ELAPOR1: variants seen among roughly 807,000 people sequenced by gnomAD.
ELAPOR1 encodes endosome-lysosome associated apoptosis and autophagy regulator 1.
ELAPOR1 carries 77 observed loss-of-function variants against 119.7 expected under a neutral mutation model. The ratio of observed to expected loss-of-function variants is 0.64; its 90% CI spans 0.54 to 0.78. The LOEUF (loss-of-function observed/expected upper bound fraction) is 0.78. Ranked by LOEUF, ELAPOR1 falls within the 30% of genes least tolerant of loss-of-function variation. The probability of loss-of-function intolerance (pLI) is 0.00; values close to 1 mark genes in which losing one functional copy is unlikely to be tolerated. For missense variants in ELAPOR1, 1,115 were observed against 1,270.4 expected, an observed-to-expected ratio of 0.88 and a Z score of 1.86; for synonymous variants, 481 against 487.2, an observed-to-expected ratio of 0.99 and a Z score of 0.17.
At position 109,199,912 on chromosome 1, in the gene ELAPOR1, G is replaced by C. The variant is rs779594735; in HGVS notation, c.2560G>C (p.Ala854Pro). 14 of 1,613,782 alleles carry C rather than the reference G, an allele frequency of 8.7e-6. No individual in the cohort carries two copies. The African/African-American group carries it at 1.7e-4, about 20-fold the overall frequency. ...CTTCCACTTCCTGTGGGAGAGCGCG[G>C]CTGCTTGCCCGCTCTGCTCAGTGGC... is the stretch of plus-strand genomic sequence containing the variant. Reference protein sequence around the residue: ...CNFHFLWESAAACPLCSVADY... With the variant: ...CNFHFLWESAPACPLCSVADY... The change falls in exon 19 of 22, where the codon GCT becomes CCT. Residue 854 changes from alanine to proline, a missense_variant. Transcript: ENST00000369939.
At chr1:109,161,771 G>A (rs1651276538) in intron 1 of ELAPOR1, 123 bp from the exon 2 acceptor site, 2 of 1,203,856 alleles carry the variant, frequency 1.7e-6, no homozygotes, top group African/African-American at 3.0e-5. Flanking sequence ...CCCTGCCCGG[G>A]GTCCCAGGGC....
At chr1:109,162,116 A>C in intron 2 of ELAPOR1, 102 bp downstream of exon 2, 1 of 1,318,404 alleles carries the variant, frequency 7.6e-7, no homozygotes, top group South Asian at 1.4e-5. Flanking sequence ...GAGCAGCTGC[A>C]TTAAGGAATC....
In ELAPOR1 at chr1:109,173,731, G is replaced by T; in HGVS notation, c.846G>T (p.Thr282=). The T allele has an allele frequency of 6.2e-7, 1 of 1,614,138 alleles. No individual in the cohort carries two copies. The highest frequency in any genetic ancestry group is 8.5e-7 in the Non-Finnish European group (1 of 1,180,034). The part of the protein sequence containing the change: ...TSECFPCKPG[T]YADKQGSSFC... ...AATGCTTCCCCTGCAAACCTGGCAC[G>T]TATGCAGACAAGCAGGGCTCCTCTT... The change falls in exon 7 of 22, where the codon ACG becomes ACT. Residue 282 remains threonine (T), a synonymous_variant. Transcript: ENST00000369939.
chr1:109,149,873 G>C (rs939229506), intron 1 of ELAPOR1, among the ~76,000 whole-genome samples: 4 of 152,198 alleles, frequency 2.6e-5, no homozygotes, highest in African/African-American at 9.7e-5. Context: ...TCAACAGGGA[G>C]CTCGAGGTGG....
At chr1:109,171,535 G>C (rs904980718) in intron 3 of ELAPOR1, among the ~76,000 whole-genome samples, 4 of 151,920 alleles carry the variant, frequency 2.6e-5, no homozygotes, top group Non-Finnish European at 4.4e-5. Flanking sequence ...CTGGGAGACA[G>C]AGCGAGACTC....
chr1:109,144,053 A>ATATTTTTTTTTTTTTT (rs1650004030), intron 1 of ELAPOR1, among the ~76,000 whole-genome samples: 1 of 89,792 alleles, frequency 1.1e-5, no homozygotes, highest in African/African-American at 5.3e-5. Flanking sequence ...ATATATATAT[A>ATATTTTTTTTTTTTTT]TTTATATATT....
intron 1 of ELAPOR1, among the ~76,000 whole-genome samples, chr1:109,127,116 A>G (rs1166529162): frequency 2.6e-5 from 4 of 152,096 alleles, no homozygotes; most frequent in Admixed American, 2.6e-4. Context: ...AAAGAACACA[A>G]CAGATAATTA....
chr1:109,179,444 G>C (rs1343889556), intron 7 of ELAPOR1, among the ~76,000 whole-genome samples: 1 of 150,744 alleles, frequency 6.6e-6, no homozygotes, highest in Admixed American at 6.6e-5. Context: ...TGTGAGCAAA[G>C]GCCAGAAAGC....
At position 109,205,853 on chromosome 1, in the gene ELAPOR1, C is replaced by T. The variant is rs1654457444; in HGVS notation, c.*2841C>T. On this transcript the variant is annotated 3_prime_UTR_variant, in exon 22 of 22. Coordinates refer to ENST00000369939, the MANE Select transcript of ELAPOR1 (RefSeq NM_020775.5). ...TCCTGAGTTACGCTACTGGGGTCAC[C>T]TGTTGCTCCCCTAGCAAGTTAGGCA... 6.6e-6 allele frequency: 1 copy of T among 152,162 alleles called. No homozygotes were observed. The highest frequency in any genetic ancestry group is 2.1e-4 in the South Asian group (1 of 4,828). 9.4% of individuals were successfully genotyped at this position (152,162 alleles called of 1,614,324 possible).
intron 1 of ELAPOR1, among the ~76,000 whole-genome samples, chr1:109,146,716 A>C (rs567524041): frequency 6.6e-6 from 1 of 152,140 alleles, no homozygotes; most frequent in Non-Finnish European, 1.5e-5. Context: ...CATCAAGATG[A>C]ACTTAGATAT....
At chr1:109,177,274 G>C (rs556624581) in intron 7 of ELAPOR1, among the ~76,000 whole-genome samples, 2 of 147,590 alleles carry the variant, frequency 1.4e-5, no homozygotes, top group South Asian at 4.3e-4. Context: ...GCGGCTGCCG[G>C]GCAGAGACGC....
At position 109,171,981 on chromosome 1, in the gene ELAPOR1, T is replaced by C. The variant is rs1370206973; in HGVS notation, c.583T>C (p.Tyr195His). 2 of 1,614,192 alleles carry C rather than the reference T, an allele frequency of 1.2e-6. No homozygotes were observed. Among genetic ancestry groups the C allele is most frequent in the Non-Finnish European group, 1.7e-6 (2 of 1,180,028 alleles). ...TGGCACCGTTAACTTCGAATACTACTATCCAGACTCCAGCATCATCTTTGA... is the reference window on the plus strand; with the variant it reads ...TGGCACCGTTAACTTCGAATACTACCATCCAGACTCCAGCATCATCTTTGA... Reference protein sequence around the residue: ...QSGTVNFEYYYPDSSIIFEFF... With the variant: ...QSGTVNFEYYHPDSSIIFEFF... Residue 195 changes from tyrosine to histidine, a missense_variant, in exon 4 of 22, where the codon TAT becomes CAT. By Grantham distance (83) the Tyr-to-His change is moderately conservative. Transcript: ENST00000369939.
Position 109,194,576 on chromosome 1 carries a change from C to CA in ELAPOR1, c.2104dup (p.Ser702LysfsTer8), listed in dbSNP as rs1653666592. On this transcript the variant is annotated frameshift_variant, in exon 15 of 22. Transcript: ENST00000369939. LOFTEE classifies it high-confidence loss of function. ...TGAAATACTTCCATCACTTTACCCT[C>CA]AGTCTCTGTGGAAACCAGGTAAGGT... The CA allele has an allele frequency of 6.2e-7, 1 of 1,613,810 alleles. No individual in the cohort carries two copies. Among genetic ancestry groups the CA allele is most frequent in the Admixed American group, 1.7e-5 (1 of 60,010 alleles).
intron 3 of ELAPOR1, among the ~76,000 whole-genome samples, chr1:109,166,566 G>A (rs912123822): frequency 1.3e-5 from 2 of 152,210 alleles, no homozygotes; most frequent in Non-Finnish European, 2.9e-5. Context: ...AGAACCTTGT[G>A]AAATAGGCAT....
rs752456350 is a variant in ELAPOR1 at position 109,171,912 on chromosome 1, G to A, written c.514G>A (p.Glu172Lys). Residue 172 changes from glutamate to lysine, a missense_variant, in exon 4 of 22, where the codon GAA becomes AAA. Physicochemically the swap from Glu to Lys is moderately conservative, Grantham distance 56. Transcript: ENST00000369939. ...CGACTACATCGCCTCCAACACGGAC[G>A]AATGCACAGCCACACTGATGTACGC... ...RGDYIASNTD[E>K]CTATLMYAVN... The A allele has an allele frequency of 6.2e-7, 1 of 1,614,214 alleles. No homozygotes were observed. Among genetic ancestry groups the A allele is most frequent in the African/African-American group, 1.3e-5 (1 of 75,052 alleles).
intron 10 of ELAPOR1, 130 bp from the exon 11 acceptor site, chr1:109,189,462 G>T: frequency 1.1e-6 from 1 of 880,156 alleles, no homozygotes; most frequent in Middle Eastern, 3.3e-4. Flanking sequence ...AAGTAACACG[G>T]TTCATGTTCA....
chr1:109,118,972 A>G (rs1405872423), intron 1 of ELAPOR1, among the ~76,000 whole-genome samples: 2 of 141,762 alleles, frequency 1.4e-5, no homozygotes, highest in Non-Finnish European at 3.0e-5. Flanking sequence ...ATCTCTGCTC[A>G]CTGCAACCTC....
intron 5 of ELAPOR1, 128 bp from the exon 6 acceptor site, chr1:109,173,346 G>A: frequency 1.3e-6 from 1 of 747,928 alleles, no homozygotes; most frequent in Non-Finnish European, 2.3e-6. Flanking sequence ...TGAGGAAGAG[G>A]AGGAAGAGGG....
intron 1 of ELAPOR1, among the ~76,000 whole-genome samples, chr1:109,138,800 C>A (rs1649646876): frequency 7.5e-6 from 1 of 133,146 alleles, no homozygotes; most frequent in Admixed American, 8.3e-5. Context: ...CGCCATTGCA[C>A]TCTAGCCTGG....
Sources: allele counts gnomAD v4.1 joint callset (sites outside exome capture counted in the v4.1 genomes callset), GRCh38; gene constraint gnomAD v4.1.1; transcripts MANE v1.5; gene names NCBI Gene and HGNC (gene_info 2026-07-23, HGNC 2026-07-21).